The following TMEM273 variants were observed in gnomAD, a reference collection of about 807,000 sequenced individuals.
TMEM273 encodes chromosome 10 open reading frame 128.
TMEM273 carries 19 observed loss-of-function variants against 17.9 expected under a neutral mutation model. The observed-to-expected ratio is 1.06, with a 90% confidence interval of 0.74 to 1.55. TMEM273 has a LOEUF of 1.55. Ranked by LOEUF, TMEM273 falls within the 40% of genes most tolerant of loss-of-function variation. The probability of loss-of-function intolerance (pLI) is 0.00; values close to 1 mark genes in which losing one functional copy is unlikely to be tolerated. For synonymous variants in TMEM273, 66 were observed against 62.0 expected (o/e 1.07, Z -0.31); for missense variants, 194 against 155.6 (o/e 1.25, Z -1.31).
chr10:49,160,241 A>G (rs925736589), intron 6 of TMEM273: 1 of 152,202 alleles, frequency 6.6e-6, no homozygotes, highest in Non-Finnish European at 1.5e-5. Context: ...GAAAATTCTA[A>G]TTTCTACAAA....
intron 5 of TMEM273, among the ~76,000 whole-genome samples, chr10:49,164,979 A>C (rs1426648087): frequency 6.6e-6 from 1 of 152,080 alleles, no homozygotes; most frequent in Non-Finnish European, 1.5e-5. Flanking sequence ...CATTCATTCA[A>C]CACATATGCA....
intron 1 of TMEM273, among the ~76,000 whole-genome samples, chr10:49,184,575 T>G (rs1156896495): frequency 6.6e-6 from 1 of 152,154 alleles, no homozygotes; most frequent in Non-Finnish European, 1.5e-5. Flanking sequence ...CAAACTAAAA[T>G]AAAAACTTTG....
chr10:49,168,054 T>A, intron 1 of TMEM273, 92 bp from the exon 2 acceptor site: 1 of 1,508,048 alleles, frequency 6.6e-7, no homozygotes, highest in Non-Finnish European at 9.2e-7. Flanking sequence ...GCCTACCCCA[T>A]GTACCCACCA....
intron 6 of TMEM273, among the ~76,000 whole-genome samples, chr10:49,159,253 ACTCT>A (rs1051665980): frequency 2.0e-5 from 3 of 152,108 alleles, no homozygotes; most frequent in Non-Finnish European, 4.4e-5. Flanking sequence ...AGTGTTTCTG[ACTCT>A]CTATCCAATT....
intron 1 of TMEM273, among the ~76,000 whole-genome samples, chr10:49,181,735 A>G (rs996152321): frequency 1.1e-4 from 17 of 152,228 alleles, no homozygotes; most frequent in African/African-American, 4.1e-4. Flanking sequence ...TATAAAACAT[A>G]AAACTATGTA....
At chr10:49,169,198 C>T (rs1018525371) in intron 1 of TMEM273, among the ~76,000 whole-genome samples, 2 of 152,218 alleles carry the variant, frequency 1.3e-5, no homozygotes, top group Admixed American at 1.3e-4. Flanking sequence ...AGATCCAAGT[C>T]TGAGTCTCAC....
At chr10:49,172,916 G>T (rs149849791) in intron 1 of TMEM273, among the ~76,000 whole-genome samples, 36 of 152,368 alleles carry the variant, frequency 2.4e-4, no homozygotes, top group African/African-American at 8.4e-4. Flanking sequence ...TGGGGAATGT[G>T]TGAACCCTGC....
intron 6 of TMEM273, among the ~76,000 whole-genome samples, chr10:49,158,988 A>G (rs1845681442): frequency 6.6e-6 from 1 of 152,178 alleles, no homozygotes; most frequent in Non-Finnish European, 1.5e-5. Context: ...AATTAAATAT[A>G]TTTTTGTAAA....
rs1416311240 is a variant in TMEM273 at position 49,167,935 on chromosome 10, G to A, written c.71C>T (p.Thr24Ile). ...AATTTCAGCCCCAGGGGTCTTGCCT[G>A]TTGCCAGCACTTGAGCTCCTCCTAC... ...LDVGGAQVLA[T>I]GKTPGAEIDF... The change falls in exon 2 of 7, where the codon ACA (threonine) becomes ATA (isoleucine). Residue 24 changes from threonine (T) to isoleucine (I), a missense_variant. Transcript: ENST00000374153. 2 of 1,614,038 alleles carry A rather than the reference G, an allele frequency of 1.2e-6. No homozygotes were observed. The highest frequency in any genetic ancestry group is 1.1e-5 in the South Asian group (1 of 91,078).
chr10:49,167,493 G>C (rs565714425), intron 2 of TMEM273, among the ~76,000 whole-genome samples: 2 of 152,204 alleles, frequency 1.3e-5, no homozygotes, highest in Non-Finnish European at 2.9e-5. Context: ...AGTCATGGGC[G>C]TCCAGAGCCT....
At chr10:49,156,300 G>A (rs1268379001) in intron 6 of TMEM273, 1 of 1,306,938 alleles carries the variant, frequency 7.7e-7, no homozygotes, top group South Asian at 1.2e-5. Flanking sequence ...GAATAGAACT[G>A]GAAAATAATG....
At chr10:49,175,720 C>A (rs549824745) in intron 1 of TMEM273, among the ~76,000 whole-genome samples, 22 of 152,376 alleles carry the variant, frequency 1.4e-4, no homozygotes, top group Admixed American at 7.2e-4. Flanking sequence ...GGGCCCCCCC[C>A]ACCTGGTGTC....
intron 5 of TMEM273, among the ~76,000 whole-genome samples, chr10:49,162,803 T>G (rs1460566190): frequency 6.6e-6 from 1 of 152,194 alleles, no homozygotes; most frequent in Non-Finnish European, 1.5e-5. Context: ...TCACCACAGA[T>G]GCTACCGCTA....
chr10:49,166,615 A>T, intron 3 of TMEM273: 1 of 510,872 alleles, frequency 2.0e-6, no homozygotes, highest in Non-Finnish European at 3.6e-6. Context: ...GAGACACAGA[A>T]AGACAGAGAC....
intron 6 of TMEM273, 128 bp from the exon 7 acceptor site, chr10:49,156,037 G>A (rs1845485492): frequency 1.3e-6 from 2 of 1,573,362 alleles, no homozygotes; most frequent in South Asian, 1.2e-5. Flanking sequence ...TGCAAGGTGG[G>A]CCACTTCCTT....
chr10:49,178,441 A>G (rs906350256), intron 1 of TMEM273: 13 of 386,478 alleles, frequency 3.4e-5, no homozygotes, highest in African/African-American at 2.7e-4. Flanking sequence ...GGGGAGTGGG[A>G]GTATCTCTAT....
chr10:49,162,297 A>G (rs2132113783), intron 5 of TMEM273, among the ~76,000 whole-genome samples: 1 of 152,334 alleles, frequency 6.6e-6, no homozygotes, highest in African/African-American at 2.4e-5. Flanking sequence ...ACATGCACAT[A>G]CACACACATA....
At chr10:49,157,079 G>C (rs2132074766) in intron 6 of TMEM273, among the ~76,000 whole-genome samples, 1 of 152,300 alleles carries the variant, frequency 6.6e-6, no homozygotes, top group African/African-American at 2.4e-5. Context: ...TTCAGGTGTT[G>C]ATAAGGAAGG....
At chr10:49,184,670 T>C (rs1330521591) in intron 1 of TMEM273, among the ~76,000 whole-genome samples, 1 of 152,188 alleles carries the variant, frequency 6.6e-6, no homozygotes, top group South Asian at 2.1e-4. Context: ...GGAACAGATA[T>C]GGCCACAACC....
Sources: gnomAD v4.1 joint callset for allele counts (sites outside exome capture counted in the v4.1 genomes callset) on GRCh38, gnomAD v4.1.1 for gene constraint, MANE v1.5 for transcripts, NCBI Gene and HGNC (gene_info 2026-07-23, HGNC 2026-07-21) for gene names.